The following LRRC7 variants were observed in gnomAD, a reference collection of about 807,000 sequenced individuals.
The protein encoded by LRRC7 is leucine rich repeat containing 7.
A neutral mutation model predicts 175.7 loss-of-function variants in LRRC7; 23 were observed. That is an observed-to-expected ratio of 0.13 (90% CI 0.09 to 0.19). The LOEUF (loss-of-function observed/expected upper bound fraction) is 0.19. LRRC7 is among the 10% of genes least tolerant of loss of function. LRRC7 has a pLI of 1.00. For missense variants in LRRC7, 1,354 were observed against 1,904.7 expected (o/e 0.71, Z 5.38); for synonymous variants, 685 against 680.9 (o/e 1.01, Z -0.09).
At chr1:69,700,183 G>C (rs1265413546) in intron 2 of LRRC7, among the ~76,000 whole-genome samples, 1 of 152,156 alleles carries the variant, frequency 6.6e-6, no homozygotes, top group East Asian at 1.9e-4. Flanking sequence ...GAGTGCTTTA[G>C]GTTGTAGATC....
intron 7 of LRRC7, among the ~76,000 whole-genome samples, chr1:69,895,993 A>G (rs985651910): frequency 9.2e-5 from 14 of 152,204 alleles, no homozygotes; most frequent in African/African-American, 3.1e-4. Context: ...AAATTACTCT[A>G]TGGTATTAGA....
intron 7 of LRRC7, among the ~76,000 whole-genome samples, chr1:69,910,023 G>T (rs887935551): frequency 4.6e-5 from 7 of 151,402 alleles, no homozygotes. Flanking sequence ...CATTCATTTC[G>T]TCTTCCATCA....
intron 3 of LRRC7, among the ~76,000 whole-genome samples, chr1:69,773,093 A>G (rs1331741201): frequency 3.3e-5 from 5 of 152,328 alleles, no homozygotes; most frequent in African/African-American, 1.2e-4. Flanking sequence ...GGGACCAGCT[A>G]GAAAAGTGTA....
chr1:69,607,064 T>A (rs1464558841), intron 1 of LRRC7: 1 of 152,106 alleles, frequency 6.6e-6, no homozygotes, highest in Non-Finnish European at 1.5e-5. Context: ...CAGAATGAAA[T>A]GAAGTGACTG....
intron 7 of LRRC7, among the ~76,000 whole-genome samples, chr1:69,899,307 T>C (rs560335020): frequency 6.0e-4 from 92 of 152,312 alleles, no homozygotes; most frequent in Middle Eastern, 3.4e-3. Flanking sequence ...ATAGCATAGG[T>C]GGTTGTAACC....
intron 1 of LRRC7, among the ~76,000 whole-genome samples, chr1:69,616,828 C>A (rs1016021033): frequency 1.3e-5 from 2 of 151,958 alleles, no homozygotes; most frequent in South Asian, 4.1e-4. Context: ...AAGGACGATG[C>A]GGGTAACTTA....
intron 1 of LRRC7, among the ~76,000 whole-genome samples, chr1:69,651,465 G>T (rs227107): frequency 0.16 from 24,413 of 152,066 alleles, 2,094 homozygotes; most frequent in Admixed American, 0.2. Flanking sequence ...ATTTTTAAAA[G>T]CACTGGCAGA....
intron 18 of LRRC7, among the ~76,000 whole-genome samples, chr1:70,035,847 G>T (rs1271330871): frequency 1.3e-5 from 2 of 151,844 alleles, no homozygotes; most frequent in African/African-American, 4.8e-5. Context: ...GCCACATTTT[G>T]TCTTTCTTTG....
chr1:69,661,114 T>A lies in LRRC7; in HGVS notation c.3-17267T>A, dbSNP rs76891051. 2.3e-3 allele frequency among the ~76,000 whole-genome samples: 348 copies of A among 152,158 alleles called. 1 individual carries two copies. Among genetic ancestry groups the A allele is most frequent in the African/African-American group, 8.2e-3 (340 of 41,544 alleles). The stretch of plus-strand genomic sequence containing the variant: ...TTCAGAGTTTAAAGGGGAAGTGTTA[T>A]GTCCCAGAGATGTGATACTTCCTCA... On this transcript the variant is annotated intron_variant, in intron 1 of 26. Transcript: ENST00000651989.
At chr1:69,633,417 GTTATTTAT>G (rs138749873) in intron 1 of LRRC7, among the ~76,000 whole-genome samples, 98 of 151,056 alleles carry the variant, frequency 6.5e-4, no homozygotes, top group Middle Eastern at 6.8e-3. Context: ...AATTTTTTTT[GTTATTTAT>G]TTATTTATTT....
At chr1:69,729,498 T>A (rs192844374) in intron 2 of LRRC7, among the ~76,000 whole-genome samples, 2 of 152,174 alleles carry the variant, frequency 1.3e-5, no homozygotes, top group African/African-American at 4.8e-5. Flanking sequence ...ACAGGCCCCA[T>A]GCAAGTCCAA....
chr1:70,118,576 T>C (rs1378494560), intron 26 of LRRC7, among the ~76,000 whole-genome samples: 1 of 152,142 alleles, frequency 6.6e-6, no homozygotes, highest in Non-Finnish European at 1.5e-5. Flanking sequence ...TCAGCTCAAA[T>C]TACTTGACAT....
At chr1:70,051,193 A>T (rs114862363) in intron 22 of LRRC7, among the ~76,000 whole-genome samples, 1 of 152,030 alleles carries the variant, frequency 6.6e-6, no homozygotes, top group Admixed American at 6.6e-5. Flanking sequence ...GGTGGAGGAA[A>T]TACAGATAGA....
At chr1:69,915,260 C>T (rs961852857) in intron 7 of LRRC7, among the ~76,000 whole-genome samples, 5 of 152,060 alleles carry the variant, frequency 3.3e-5, no homozygotes, top group African/African-American at 9.7e-5. Flanking sequence ...ATATTGGGAG[C>T]GGAGGCGCAG....
At chr1:69,687,520 C>CAAAAAA (rs551726376) in intron 2 of LRRC7, among the ~76,000 whole-genome samples, 51 of 96,840 alleles carry the variant, frequency 5.3e-4, no homozygotes, top group South Asian at 1.1e-3. Flanking sequence ...AAGAAAAAAC[C>CAAAAAA]AAAAAAAAAA....
intron 7 of LRRC7, among the ~76,000 whole-genome samples, chr1:69,901,916 G>C (rs1646145732): frequency 1.3e-5 from 2 of 151,988 alleles, no homozygotes; most frequent in Admixed American, 1.3e-4. Context: ...CTGATTACAA[G>C]CTCTCATAGT....
At chr1:69,962,989 GT>G (rs1651271807) in intron 8 of LRRC7, among the ~76,000 whole-genome samples, 3 of 151,752 alleles carry the variant, frequency 2.0e-5, no homozygotes, top group Admixed American at 2.0e-4. Flanking sequence ...TAAAATAAAA[GT>G]TTTTAAAAAA....
At chr1:70,108,876 A>G (rs1039266413) in intron 26 of LRRC7, among the ~76,000 whole-genome samples, 1 of 152,354 alleles carries the variant, frequency 6.6e-6, no homozygotes, top group Admixed American at 6.5e-5. Flanking sequence ...TCTATCTCCA[A>G]TGTACTGCGT....
intron 25 of LRRC7, among the ~76,000 whole-genome samples, chr1:70,092,390 AAG>A (rs1664094340): frequency 1.3e-5 from 2 of 152,206 alleles, no homozygotes; most frequent in South Asian, 4.1e-4. Context: ...TCAAATAAAT[AAG>A]TCATTGATTA....
Sources: allele counts gnomAD v4.1 joint callset (sites outside exome capture counted in the v4.1 genomes callset), GRCh38; gene constraint gnomAD v4.1.1; transcripts MANE v1.5; gene names NCBI Gene and HGNC (gene_info 2026-07-23, HGNC 2026-07-21).